RBFOX1: variants seen among roughly 807,000 people sequenced by gnomAD.
The protein encoded by RBFOX1 is RNA binding protein fox-1 homolog 1.
A neutral mutation model predicts 57.7 loss-of-function variants in RBFOX1; 8 were observed. That is an observed-to-expected ratio of 0.14 (90% CI 0.08 to 0.25). The LOEUF (loss-of-function observed/expected upper bound fraction) is 0.25, where lower values mean the gene tolerates loss of function less well. Among genes scored for constraint, RBFOX1 ranks in the 10% least tolerant of loss-of-function variants. The probability of loss-of-function intolerance (pLI) is 1.00; values close to 1 mark genes in which losing one functional copy is unlikely to be tolerated. For missense variants in RBFOX1, 611 were observed against 548.5 expected (o/e 1.11, Z -1.14); for synonymous variants, 326 against 222.4 (o/e 1.47, Z -4.15).
chr16:6,537,106 C>G (rs1263225945), intron 2 of RBFOX1, among the ~76,000 whole-genome samples: 2 of 152,038 alleles, frequency 1.3e-5, no homozygotes, highest in Non-Finnish European at 2.9e-5. Flanking sequence ...TCCAGCGTTC[C>G]ATACCAGTGT....
intron 3 of RBFOX1, among the ~76,000 whole-genome samples, chr16:6,851,011 A>T (rs916187337): frequency 6.6e-6 from 1 of 152,212 alleles, no homozygotes; most frequent in Non-Finnish European, 1.5e-5. Flanking sequence ...CACTGTGATA[A>T]TCCACACTGT....
chr16:6,118,995 A>G (rs934878198), intron 1 of RBFOX1, among the ~76,000 whole-genome samples: 1 of 148,516 alleles, frequency 6.7e-6, no homozygotes, highest in African/African-American at 2.5e-5. Flanking sequence ...CAGTCTGTGA[A>G]TCTGTGACAA....
intron 3 of RBFOX1, among the ~76,000 whole-genome samples, chr16:6,839,336 A>G (rs1001029212): frequency 6.6e-6 from 1 of 152,152 alleles, no homozygotes; most frequent in East Asian, 1.9e-4. Flanking sequence ...TCCTCACTCT[A>G]CTATTAACCC....
At chr16:5,438,999 G>A (rs796778594) in intron 1 of RBFOX1, among the ~76,000 whole-genome samples, 1 of 144,852 alleles carries the variant, frequency 6.9e-6, no homozygotes, top group Non-Finnish European at 1.5e-5. Context: ...ACTGCATATT[G>A]TGAAGGAAAC....
At chr16:6,421,646 C>A (rs1543887) in intron 2 of RBFOX1, among the ~76,000 whole-genome samples, 64,135 of 152,082 alleles carry the variant, frequency 0.42, 14,660 homozygotes, top group Non-Finnish European at 0.5. Flanking sequence ...ACGAATGACA[C>A]TGGCACAGAA....
chr16:7,438,395 C>T (rs1419003094), intron 4 of RBFOX1, among the ~76,000 whole-genome samples: 2 of 151,998 alleles, frequency 1.3e-5, no homozygotes, highest in Non-Finnish European at 2.9e-5. Flanking sequence ...GAGACAGGTT[C>T]ATTTTATTAA....
chr16:5,995,563 C>T (rs1443067658), intron 4 of RBFOX1, among the ~76,000 whole-genome samples: 2 of 152,170 alleles, frequency 1.3e-5, no homozygotes, highest in East Asian at 3.9e-4. Context: ...AATCTTTGTG[C>T]ATCTAACTGT....
At chr16:6,236,915 G>C (rs1244485136) in intron 1 of RBFOX1, among the ~76,000 whole-genome samples, 1 of 152,150 alleles carries the variant, frequency 6.6e-6, no homozygotes, top group Non-Finnish European at 1.5e-5. Context: ...GTCACACAGT[G>C]GCACATTGTA....
chr16:7,586,816 G>C (rs1237375823), intron 6 of RBFOX1, among the ~76,000 whole-genome samples: 1 of 152,110 alleles, frequency 6.6e-6, no homozygotes, highest in Non-Finnish European at 1.5e-5. Context: ...TTTTATGTGA[G>C]CTAGGAGCCA....
chr16:6,652,734 G>T (rs564620099), intron 2 of RBFOX1, among the ~76,000 whole-genome samples: 2 of 152,206 alleles, frequency 1.3e-5, no homozygotes, highest in South Asian at 4.2e-4. Flanking sequence ...GAGACAGAAA[G>T]CAGAAGGTGG....
At chr16:6,215,228 GA>G (rs1378525957) in intron 1 of RBFOX1, among the ~76,000 whole-genome samples, 60 of 137,178 alleles carry the variant, frequency 4.4e-4, no homozygotes, top group African/African-American at 1.6e-3. Context: ...GAGAGACAAA[GA>G]GGGGAAGAAG....
intron 3 of RBFOX1, among the ~76,000 whole-genome samples, chr16:6,783,687 A>T (rs1175711496): frequency 2.6e-5 from 4 of 152,094 alleles, no homozygotes; most frequent in African/African-American, 9.7e-5. Flanking sequence ...ACATACAATT[A>T]TAATATTAGA....
intron 2 of RBFOX1, among the ~76,000 whole-genome samples, chr16:6,538,825 A>G (rs536191735): frequency 6.6e-6 from 1 of 152,200 alleles, no homozygotes; most frequent in African/African-American, 2.4e-5. Context: ...TTTGTCCTGT[A>G]TCCATTCAGT....
intron 4 of RBFOX1, among the ~76,000 whole-genome samples, chr16:7,491,129 A>G (rs1269883969): frequency 6.6e-6 from 1 of 152,098 alleles, no homozygotes; most frequent in African/African-American, 2.4e-5. Flanking sequence ...CAGCCCTCTA[A>G]TTATACTAAG....
At chr16:6,853,740 A>G (rs921263463) in intron 3 of RBFOX1, among the ~76,000 whole-genome samples, 1 of 152,134 alleles carries the variant, frequency 6.6e-6, no homozygotes, top group African/African-American at 2.4e-5. Flanking sequence ...GATTGGGATA[A>G]TGCGCCTCAC....
chr16:6,730,929 G>A (rs914799584), intron 3 of RBFOX1, among the ~76,000 whole-genome samples: 3 of 152,088 alleles, frequency 2.0e-5, no homozygotes, highest in Non-Finnish European at 4.4e-5. Context: ...TCTTTGACAG[G>A]TTCCCCAGCT....
At chr16:6,289,943 A>G (rs2077295245) in intron 1 of RBFOX1, among the ~76,000 whole-genome samples, 1 of 152,120 alleles carries the variant, frequency 6.6e-6, no homozygotes, top group African/African-American at 2.4e-5. Flanking sequence ...TTGAGAATGA[A>G]ATGGAAATGT....
At chr16:7,106,052 G>A (rs980549205) in intron 4 of RBFOX1, among the ~76,000 whole-genome samples, 6 of 152,108 alleles carry the variant, frequency 3.9e-5, no homozygotes, top group Non-Finnish European at 7.4e-5. Flanking sequence ...GACAGTTCTG[G>A]AATATTTAAA....
intron 1 of RBFOX1, among the ~76,000 whole-genome samples, chr16:5,416,808 G>A (rs964430541): frequency 1.3e-5 from 2 of 151,978 alleles, no homozygotes; most frequent in Admixed American, 1.3e-4. Flanking sequence ...TTGGCAAATT[G>A]AAGTTACTTG....
Sources: allele counts gnomAD v4.1 joint callset (sites outside exome capture counted in the v4.1 genomes callset), GRCh38; gene constraint gnomAD v4.1.1; transcripts MANE v1.5; gene names NCBI Gene and HGNC (gene_info 2026-07-23, HGNC 2026-07-21).